The following QKI variants were observed in gnomAD, a reference collection of about 807,000 sequenced individuals.
The protein encoded by QKI is KH domain-containing RNA-binding protein QKI.
Under a neutral mutation model 39.0 loss-of-function variants are expected in QKI, and 10 were observed. The observed-to-expected ratio is 0.26, with a 90% CI of 0.16 to 0.43. The LOEUF (loss-of-function observed/expected upper bound fraction) is 0.43. Ranked by LOEUF, QKI falls within the 20% of genes least tolerant of loss-of-function variation. The probability of loss-of-function intolerance (pLI) is 1.00; values close to 1 mark genes in which losing one functional copy is unlikely to be tolerated. For missense variants in QKI, 218 were observed against 428.0 expected (o/e 0.51, Z 4.33); for synonymous variants, 204 against 155.4 (o/e 1.31, Z -2.33).
intron 2 of QKI, among the ~76,000 whole-genome samples, chr6:163,467,936 T>C (rs1791896896): frequency 6.6e-6 from 1 of 152,126 alleles, no homozygotes; most frequent in African/African-American, 2.4e-5. Flanking sequence ...AACTCAGTGG[T>C]GGGTTTATTG....
intron 3 of QKI, among the ~76,000 whole-genome samples, chr6:163,490,247 T>A (rs1777969467): frequency 6.6e-6 from 1 of 152,222 alleles, no homozygotes; most frequent in Non-Finnish European, 1.5e-5. Context: ...CAGTAAGTAG[T>A]ACTATAAATG....
intron 1 of QKI, among the ~76,000 whole-genome samples, chr6:163,420,325 T>C (rs1787899985): frequency 1.3e-5 from 2 of 152,044 alleles, no homozygotes; most frequent in South Asian, 4.1e-4. Context: ...TACATTTGTT[T>C]GATTTATTTG....
intron 6 of QKI, chr6:163,565,844 A>T: frequency 6.6e-7 from 1 of 1,509,944 alleles, no homozygotes; most frequent in Non-Finnish European, 9.0e-7. Flanking sequence ...AGTGCCCTTC[A>T]AAACAGATGC....
chr6:163,513,221 TAAG>T (rs1006594945), intron 3 of QKI, among the ~76,000 whole-genome samples: 1 of 152,192 alleles, frequency 6.6e-6, no homozygotes, highest in African/African-American at 2.4e-5. Context: ...CGCTTGTAGA[TAAG>T]AGGAGGACGA....
intron 7 of QKI, chr6:163,569,798 A>G: frequency 3.0e-6 from 3 of 985,198 alleles, no homozygotes; most frequent in Non-Finnish European, 3.6e-6. Flanking sequence ...TTGAAATTGA[A>G]TAAAGAAAGC....
intron 4 of QKI, among the ~76,000 whole-genome samples, chr6:163,542,733 T>C (rs1315033586): frequency 1.3e-5 from 2 of 152,184 alleles, no homozygotes; most frequent in South Asian, 2.1e-4. Flanking sequence ...GTTTACTTTA[T>C]AGGTATTTGA....
At chr6:163,440,253 C>T (rs185973675) in intron 1 of QKI, among the ~76,000 whole-genome samples, 5 of 152,272 alleles carry the variant, frequency 3.3e-5, no homozygotes, top group African/African-American at 1.2e-4. Flanking sequence ...AGCAGTAGTG[C>T]TGGAGAGGCC....
chr6:163,540,165 A>G (rs1781427301), intron 4 of QKI, among the ~76,000 whole-genome samples: 3 of 151,722 alleles, frequency 2.0e-5, no homozygotes, highest in African/African-American at 7.3e-5. Flanking sequence ...AGTTTTGTGT[A>G]TTTTAATCAT....
chr6:163,416,730 C>T (rs1021077576), intron 1 of QKI, among the ~76,000 whole-genome samples: 1 of 152,166 alleles, frequency 6.6e-6, no homozygotes, highest in African/African-American at 2.4e-5. Context: ...CGTCGTTTTG[C>T]TTCCGTATGT....
chr6:163,441,900 G>C (rs898734141), intron 1 of QKI, among the ~76,000 whole-genome samples: 3 of 152,242 alleles, frequency 2.0e-5, no homozygotes, highest in African/African-American at 7.2e-5. Flanking sequence ...GGGAGCCTGT[G>C]TGGATGCTGT....
intron 2 of QKI, among the ~76,000 whole-genome samples, chr6:163,478,511 T>A (rs1460678584): frequency 6.6e-6 from 1 of 152,216 alleles, no homozygotes; most frequent in African/African-American, 2.4e-5. Flanking sequence ...AGGTTATTTG[T>A]TGATGGACAG....
intron 3 of QKI, among the ~76,000 whole-genome samples, chr6:163,523,872 T>C (rs527904130): frequency 2.0e-5 from 3 of 152,310 alleles, no homozygotes; most frequent in Non-Finnish European, 4.4e-5. Flanking sequence ...CTTACCATTA[T>C]GTACACTGGA....
At chr6:163,558,146 A>AG (rs1765599122) in intron 4 of QKI, among the ~76,000 whole-genome samples, 1 of 152,168 alleles carries the variant, frequency 6.6e-6, no homozygotes, top group Non-Finnish European at 1.5e-5. Context: ...GTAATTTTTG[A>AG]GAAAAAAAGA....
At chr6:163,525,401 C>G (rs1780438418) in intron 3 of QKI, among the ~76,000 whole-genome samples, 2 of 151,074 alleles carry the variant, frequency 1.3e-5, no homozygotes, top group Non-Finnish European at 3.0e-5. Flanking sequence ...TCTTGTCACC[C>G]AGGCTGGAGT....
intron 2 of QKI, among the ~76,000 whole-genome samples, chr6:163,462,974 T>C (rs1049399685): frequency 6.6e-6 from 1 of 152,176 alleles, no homozygotes; most frequent in East Asian, 1.9e-4. Context: ...ATTAAAGTGG[T>C]GACAATCAGT....
rs550542040 is a variant in QKI, at chr6:163,444,053, C to T, written c.143-11226C>T. Among the ~76,000 whole-genome samples the T allele has an allele frequency of 9.9e-5, 15 of 152,182 alleles. No homozygotes were observed. The South Asian group carries it at 1.9e-3, about 19-fold the overall frequency. On this transcript the variant is annotated intron_variant, in intron 1 of 7. Coordinates refer to ENST00000361752, the MANE Select transcript of QKI (RefSeq NM_006775.3). ...AATTACATGAGGATTTGGTGTTTTC[C>T]GAGGATGTAATTTAAAGTAAATTCT...
rs1783055329 is a variant in QKI, at chr6:163,562,023, G to A, written c.588G>A (p.Glu196=). Residue 196 remains glutamate, a synonymous_variant, in exon 5 of 8, where the codon GAG becomes GAA. Transcript: ENST00000361752. The part of the protein sequence containing the change: ...EDSLKKMQLM[E]LAILNGTYRD... The stretch of plus-strand genomic sequence containing the variant: ...GCCTGAAGAAGATGCAGCTGATGGA[G>A]CTTGCGATTCTGAATGGCACCTACA... 3 of 1,613,642 alleles carry A rather than the reference G, an allele frequency of 1.9e-6. No individual in the cohort carries two copies. Among genetic ancestry groups the A allele is most frequent in the Non-Finnish European group, 2.5e-6 (3 of 1,179,822 alleles).
intron 3 of QKI, among the ~76,000 whole-genome samples, chr6:163,520,848 G>T (rs974441723): frequency 5.9e-5 from 9 of 152,144 alleles, no homozygotes; most frequent in African/African-American, 1.9e-4. Context: ...TATGATGAAG[G>T]GTTATGAGAA....
chr6:163,560,869 A>C (rs748983380), intron 4 of QKI, among the ~76,000 whole-genome samples: 1 of 152,244 alleles, frequency 6.6e-6, no homozygotes, highest in East Asian at 1.9e-4. Context: ...GTGCTATGCC[A>C]AAAACAACTG....
Sources: allele counts gnomAD v4.1 joint callset (sites outside exome capture counted in the v4.1 genomes callset), GRCh38; gene constraint gnomAD v4.1.1; transcripts MANE v1.5; gene names NCBI Gene and HGNC (gene_info 2026-07-23, HGNC 2026-07-21).